The following SCRG1 variants were observed in gnomAD, a reference collection of about 807,000 sequenced individuals.
The protein encoded by SCRG1 is scrapie-responsive protein 1.
In SCRG1, 3 loss-of-function variants were observed where a neutral mutation model predicts 7.7. The observed-to-expected ratio is 0.39, with a 90% confidence interval of 0.18 to 1.01. The LOEUF is 1.01. Ranked by LOEUF, SCRG1 falls within the 50% of genes least tolerant of loss-of-function variation. The pLI is 0.36. For synonymous variants in SCRG1, 46 were observed against 41.2 expected (o/e 1.12, Z -0.44); for missense variants, 110 against 117.2 (o/e 0.94, Z 0.28).
chr4:173,475,626 A>G, the SCRG1 span, among the ~76,000 whole-genome samples: 7 of 152,266 alleles, frequency 4.6e-5, no homozygotes, highest in Non-Finnish European at 1.0e-4. Context: ...AGATTTAAGC[A>G]GATATCTATA....
chr4:173,411,190 C>T (rs141963509), upstream of SCRG1, among the ~76,000 whole-genome samples: 20 of 152,266 alleles, frequency 1.3e-4, no homozygotes, highest in East Asian at 2.1e-3. Flanking sequence ...TGCCAGGCAC[C>T]GTTTAAGTAC....
the SCRG1 span, among the ~76,000 whole-genome samples, chr4:173,476,359 A>ATATATATATATATATATATATATAT: frequency 1.2e-4 from 3 of 24,278 alleles, no homozygotes; most frequent in East Asian, 2.7e-3. Flanking sequence ...AGGGGGAAAA[A>ATATATATATATATATATATATATAT]AAAAATATAT....
the SCRG1 span, among the ~76,000 whole-genome samples, chr4:173,472,291 T>C: frequency 6.6e-6 from 1 of 152,256 alleles, no homozygotes; most frequent in Non-Finnish European, 1.5e-5. Flanking sequence ...AGTATATAAC[T>C]TTACAAGCAT....
At chr4:173,515,586 C>G in the SCRG1 span, among the ~76,000 whole-genome samples, 3 of 150,592 alleles carry the variant, frequency 2.0e-5, no homozygotes, top group Admixed American at 1.3e-4. The surrounding 1 kb of genome is among the most constrained non-coding windows in gnomAD (Gnocchi z 4.6). Context: ...GTGTGTGTGT[C>G]TGTGTGTGTG....
chr4:173,512,988 A>G, the SCRG1 span, among the ~76,000 whole-genome samples: 8 of 152,248 alleles, frequency 5.3e-5, no homozygotes, highest in African/African-American at 1.9e-4. Context: ...TTTGTGATAA[A>G]TGTGTATTTC....
chr4:173,496,922 C>T, the SCRG1 span, among the ~76,000 whole-genome samples: 42 of 151,940 alleles, frequency 2.8e-4, no homozygotes, highest in Middle Eastern at 3.4e-3. Flanking sequence ...CTGGCTAACA[C>T]GGTGAAACCC....
the SCRG1 span, among the ~76,000 whole-genome samples, chr4:173,491,723 G>A: frequency 6.6e-6 from 1 of 152,184 alleles, no homozygotes; most frequent in African/African-American, 2.4e-5. Context: ...GAACAAAGCT[G>A]ACTTTCCCCA....
At chr4:173,448,614 G>C in the SCRG1 span, among the ~76,000 whole-genome samples, 3 of 152,130 alleles carry the variant, frequency 2.0e-5, no homozygotes, top group African/African-American at 4.8e-5. Flanking sequence ...GCAAAATGAG[G>C]ATTTATTTTT....
At chr4:173,484,328 A>G in the SCRG1 span, among the ~76,000 whole-genome samples, 1 of 66,322 alleles carries the variant, frequency 1.5e-5, no homozygotes, top group Non-Finnish European at 2.7e-5. Context: ...TTTATACATA[A>G]TATATTTAAC....
the SCRG1 span, among the ~76,000 whole-genome samples, chr4:173,452,142 G>A: frequency 3.3e-5 from 5 of 150,802 alleles, no homozygotes; most frequent in Admixed American, 6.7e-5. Context: ...AGGCTGAGGC[G>A]GGAGAATTGA....
the SCRG1 span, among the ~76,000 whole-genome samples, chr4:173,437,640 GA>G: frequency 6.6e-6 from 1 of 151,986 alleles, no homozygotes; most frequent in Non-Finnish European, 1.5e-5. Flanking sequence ...AAAGAAAACA[GA>G]AAAAAAGAAA....
At chr4:173,474,945 G>C in the SCRG1 span, among the ~76,000 whole-genome samples, 1 of 151,182 alleles carries the variant, frequency 6.6e-6, no homozygotes, top group Non-Finnish European at 1.5e-5. Context: ...CTTTTCCTCT[G>C]TATTCTCTCT....
the SCRG1 span, among the ~76,000 whole-genome samples, chr4:173,485,100 T>TA: frequency 1.1e-3 from 15 of 13,582 alleles, no homozygotes; most frequent in Non-Finnish European, 2.5e-3. Flanking sequence ...ATATATTATA[T>TA]ATTATATATT....
intron 2 of SCRG1, chr4:173,389,635 A>G: frequency 5.6e-6 from 1 of 179,326 alleles, no homozygotes; most frequent in Non-Finnish European, 1.2e-5. Flanking sequence ...GAGGAGTCCA[A>G]GGATGGATAT....
the SCRG1 span, among the ~76,000 whole-genome samples, chr4:173,508,718 G>A: frequency 3.8e-4 from 58 of 152,242 alleles, 1 homozygote; most frequent in South Asian, 0.01. The surrounding 1 kb of genome is among the most constrained non-coding windows in gnomAD (Gnocchi z 4.4). Flanking sequence ...AACCTGCCCC[G>A]GCCGAGTTAT....
upstream of SCRG1, among the ~76,000 whole-genome samples, chr4:173,409,953 C>T (rs1740005794): frequency 6.6e-6 from 1 of 152,136 alleles, no homozygotes; most frequent in Admixed American, 6.5e-5. Context: ...GGAAAAAGAA[C>T]ATTTTGTGGC....
At chr4:173,451,857 C>T in the SCRG1 span, among the ~76,000 whole-genome samples, 8 of 151,740 alleles carry the variant, frequency 5.3e-5, no homozygotes, top group African/African-American at 1.7e-4. Context: ...TTTGTTGAGT[C>T]GAAGTAATAC....
chr4:173,414,429 A>G, the SCRG1 span, among the ~76,000 whole-genome samples: 1 of 152,148 alleles, frequency 6.6e-6, no homozygotes, highest in African/African-American at 2.4e-5. Flanking sequence ...CAAGTAGCAA[A>G]CTCAGCTTCC....
chr4:173,485,017 A>ATATAATATATATTATATAT, the SCRG1 span, among the ~76,000 whole-genome samples: 2 of 27,374 alleles, frequency 7.3e-5, no homozygotes, highest in African/African-American at 2.8e-4. Context: ...ATAATATATA[A>ATATAATATATATTATATAT]TATATAATAT....
Sources: allele counts gnomAD v4.1 joint callset (sites outside exome capture counted in the v4.1 genomes callset), GRCh38; gene constraint gnomAD v4.1.1; non-coding constraint Gnocchi (gnomAD v3.1); transcripts MANE v1.5; gene names NCBI Gene and HGNC (gene_info 2026-07-23, HGNC 2026-07-21).